Variants in SLC43A2 observed in about 807,000 individuals in gnomAD.
SLC43A2 encodes large neutral amino acids transporter small subunit 4.
SLC43A2 carries 38 observed loss-of-function variants against 63.2 expected under a neutral mutation model. The observed-to-expected ratio is 0.60, with a 90% CI of 0.46 to 0.79. The LOEUF (loss-of-function observed/expected upper bound fraction) is 0.79. Ranked by LOEUF, SLC43A2 falls within the 30% of genes least tolerant of loss-of-function variation. The probability of loss-of-function intolerance (pLI) is 0.00; values close to 1 mark genes in which losing one functional copy is unlikely to be tolerated. For synonymous variants in SLC43A2, 322 were observed against 331.0 expected, an observed-to-expected ratio of 0.97 and a Z score of 0.30; for missense variants, 644 against 756.2, an observed-to-expected ratio of 0.85 and a Z score of 1.74.
intron 5 of SLC43A2, among the ~76,000 whole-genome samples, chr17:1,608,804 A>G (rs749603506): frequency 3.7e-4 from 56 of 152,154 alleles, no homozygotes; most frequent in Non-Finnish European, 6.6e-4. Context: ...CTTTGTTGGC[A>G]TGGAATTTCA....
In SLC43A2 at chr17:1,621,407, G is replaced by C. The variant is rs555563603; in HGVS notation, c.161-4638C>G. 2.0e-5 allele frequency among the ~76,000 whole-genome samples: 3 copies of C among 152,258 alleles called. No individual in the cohort carries two copies. In the East Asian group the frequency reaches 5.8e-4, roughly 29 times the overall value. On this transcript the variant is annotated intron_variant, in intron 2 of 13. Transcript: ENST00000301335. ...GGTGCGGGCCCCTGGACAGCCCACC[G>C]ATGGCCCCTGCCCAGGATCTCCCGT...
At chr17:1,599,683 A>G (rs574997328) in intron 5 of SLC43A2, among the ~76,000 whole-genome samples, 145 of 152,024 alleles carry the variant, frequency 9.5e-4, no homozygotes, top group African/African-American at 3.3e-3. Context: ...CCTGGGCAAC[A>G]CAGTTAGACT....
chr17:1,624,861 A>G (rs944981097), intron 2 of SLC43A2, among the ~76,000 whole-genome samples: 1 of 152,162 alleles, frequency 6.6e-6, no homozygotes, highest in Non-Finnish European at 1.5e-5. Context: ...GCAACACTAC[A>G]TTCCAGACTG....
intron 5 of SLC43A2, among the ~76,000 whole-genome samples, chr17:1,597,189 C>T (rs4290528): frequency 0.095 from 13,893 of 146,204 alleles, 2,094 homozygotes; most frequent in African/African-American, 0.33. Context: ...CTCCAGCCTG[C>T]GCAACAGAGC....
At position 1,570,710 on chromosome 17, in the gene SLC43A2, T is replaced by A. The variant is rs1388140115; in HGVS notation, c.*4894A>T. 2.6e-5 allele frequency: 4 copies of A among 151,024 alleles called. No individual in the cohort carries two copies. The highest frequency in any genetic ancestry group is 7.3e-5 in the African/African-American group (3 of 41,076). 9.4% of individuals were successfully genotyped at this position (151,024 alleles called of 1,614,324 possible). On this transcript the variant is annotated 3_prime_UTR_variant, in exon 14 of 14. Transcript: ENST00000301335. ...ACCGTTTTAGCCGGGATGGTCTTGA[T>A]CTCCTGACCTCGTGATCCGCCCGCC...
intron 11 of SLC43A2, among the ~76,000 whole-genome samples, chr17:1,579,097 G>A (rs1263195344): frequency 1.3e-5 from 2 of 150,108 alleles, no homozygotes; most frequent in East Asian, 2.0e-4. Context: ...CTGAGATCAC[G>A]GCATTGCACT....
At chr17:1,617,356 A>G (rs116260026) in intron 2 of SLC43A2, among the ~76,000 whole-genome samples, 5,724 of 151,516 alleles carry the variant, frequency 0.038, 348 homozygotes, top group African/African-American at 0.13. Context: ...CTTCTCAAAC[A>G]TAGAACAGAT....
intron 9 of SLC43A2, chr17:1,586,928 T>TTCCCC: frequency 3.2e-6 from 4 of 1,232,916 alleles, no homozygotes; most frequent in Admixed American, 2.2e-5. Flanking sequence ...TCCCTGACAA[T>TTCCCC]CCCCCCCACC....
chr17:1,584,971 T>C (rs2076079421), intron 10 of SLC43A2, among the ~76,000 whole-genome samples: 1 of 152,178 alleles, frequency 6.6e-6, no homozygotes, highest in South Asian at 2.1e-4. Context: ...TTATAGCAAC[T>C]CACTACTCAA....
rs2075959852 is a variant in SLC43A2, at chr17:1,578,012, G to A, written c.1424+238C>T. On this transcript the variant is annotated intron_variant, in intron 12 of 13. Coordinates refer to ENST00000301335, the MANE Select transcript of SLC43A2 (RefSeq NM_152346.3). This position sits in a 1 kb window ranked among gnomAD's most constrained non-coding sequence, Gnocchi z 6.5. Reference sequence around the variant, plus strand: ...GACCCTGGCTGGGGGAACTGACTTCGTGTTGAATGCCAAGGCTTGTGAGCA... The same window carrying A: ...GACCCTGGCTGGGGGAACTGACTTCATGTTGAATGCCAAGGCTTGTGAGCA... Among the ~76,000 whole-genome samples the A allele has an allele frequency of 6.6e-6, 1 of 152,196 alleles. No individual in the cohort carries two copies. Among genetic ancestry groups the A allele is most frequent in the Admixed American group, 6.5e-5 (1 of 15,274 alleles).
Position 1,572,520 on chromosome 17 carries a change from G to A in SLC43A2, c.*3084C>T, listed in dbSNP as rs2075861515. 6.6e-6 allele frequency: 1 copy of A among 152,236 alleles called. No individual in the cohort carries two copies. The highest frequency in any genetic ancestry group is 1.5e-5 in the Non-Finnish European group (1 of 68,060). The allele number at this position is 152,236 out of a possible 1,614,324, so 9.4% of individuals were successfully genotyped here. On this transcript the variant is annotated 3_prime_UTR_variant, in exon 14 of 14. Transcript: ENST00000301335. ...AGTTGTAAAGCAGGGATGATCATAT[G>A]TGTTTAACTCCCAGATTGTTATCAA...
At position 1,575,742 on chromosome 17, in the gene SLC43A2, G is replaced by A; in HGVS notation, c.1572C>T (p.Leu524=). The A allele has an allele frequency of 6.2e-7, 1 of 1,612,858 alleles. No individual in the cohort carries two copies. Among genetic ancestry groups the A allele is most frequent in the Non-Finnish European group, 8.5e-7 (1 of 1,179,736 alleles). Residue 524 remains leucine (L), a synonymous_variant, in exon 14 of 14, where the codon CTC becomes CTT. Coordinates refer to ENST00000301335, the MANE Select transcript of SLC43A2 (RefSeq NM_152346.3). The part of the protein sequence containing the change: ...PLWVNVGLLL[L]SLLGFCLPLY... ...GCGGGAGGCAGAAGCCCAGCAGGCT[G>A]AGAAGGAGCAGCCCCACGTTCACCT... is the stretch of plus-strand genomic sequence containing the variant.
chr17:1,584,631 G>A (rs1450381030), intron 10 of SLC43A2, among the ~76,000 whole-genome samples: 1 of 150,672 alleles, frequency 6.6e-6, no homozygotes, highest in Non-Finnish European at 1.5e-5. Context: ...GTCTAACACT[G>A]TGAAACCCCT....
chr17:1,611,826 G>A (rs1907135701), intron 5 of SLC43A2, among the ~76,000 whole-genome samples: 1 of 152,186 alleles, frequency 6.6e-6, no homozygotes, highest in African/African-American at 2.4e-5. Context: ...TTGATGGACA[G>A]AAGCCTCTCT....
chr17:1,611,087 A>G (rs946903076), intron 5 of SLC43A2, among the ~76,000 whole-genome samples: 1 of 150,806 alleles, frequency 6.6e-6, no homozygotes, highest in Non-Finnish European at 1.5e-5. Context: ...ATGATCCACC[A>G]CCCCCATCGG....
chr17:1,617,718 C>T (rs1057113270), intron 2 of SLC43A2, among the ~76,000 whole-genome samples: 2 of 152,082 alleles, frequency 1.3e-5, no homozygotes, highest in Non-Finnish European at 2.9e-5. Flanking sequence ...TTTTCCTTGC[C>T]GGGGTCACAG....
rs140407415 is a variant in SLC43A2, at chr17:1,591,666, C to G, written c.628G>C (p.Val210Leu). Residue 210 changes from valine to leucine, a missense_variant, in exon 7 of 14, where the codon GTC (valine) becomes CTC (leucine). By Grantham distance (32) the Val-to-Leu change is conservative (BLOSUM62 1). Transcript: ENST00000301335. ...GAGCAGCCGGCCCAGACCACGAGGA[C>G]GACGATGAAGGAGACACCAGCATCA... ...IYDAGVSFIVVLVVWAGCSGL... is the reference protein window; with the variant it reads ...IYDAGVSFIVLLVVWAGCSGL... 6.5e-7 allele frequency: 1 copy of G among 1,541,112 alleles called. No homozygotes were observed. Among genetic ancestry groups the G allele is most frequent in the Non-Finnish European group, 8.7e-7 (1 of 1,145,718 alleles).
intron 3 of SLC43A2, among the ~76,000 whole-genome samples, chr17:1,615,570 A>G (rs529669638): frequency 2.9e-4 from 44 of 150,126 alleles, no homozygotes; most frequent in East Asian, 2.2e-3. Flanking sequence ...GGGGCCAGGC[A>G]CGATGGCTCA....
chr17:1,595,237 C>T (rs1452163998), intron 5 of SLC43A2, among the ~76,000 whole-genome samples: 1 of 151,436 alleles, frequency 6.6e-6, no homozygotes, highest in Non-Finnish European at 1.5e-5. Flanking sequence ...GCCGACACTG[C>T]GCCACTGCAC....
Sources: gnomAD v4.1 joint callset for allele counts (sites outside exome capture counted in the v4.1 genomes callset) on GRCh38, gnomAD v4.1.1 for gene constraint, Gnocchi (gnomAD v3.1) non-coding constraint, MANE v1.5 for transcripts, NCBI Gene and HGNC (gene_info 2026-07-23, HGNC 2026-07-21) for gene names.